NPHP4: variants seen among roughly 807,000 people sequenced by gnomAD.
NPHP4 encodes the protein nephrocystin 4, also known as nephrocystin-4.
NPHP4 carries 151 observed loss-of-function variants against 155.8 expected under a neutral mutation model. That is an observed-to-expected ratio of 0.97 (90% CI 0.85 to 1.11). NPHP4 has a LOEUF of 1.11. NPHP4 is among the 50% of genes least tolerant of loss of function. NPHP4 has a pLI of 0.00. For synonymous variants in NPHP4, 845 were observed against 816.8 expected (o/e 1.03, Z -0.59); for missense variants, 1,956 against 1,925.7 (o/e 1.02, Z -0.29).
At chr1:5,964,205 C>T (rs1209884388) in intron 5 of NPHP4, among the ~76,000 whole-genome samples, 2 of 152,180 alleles carry the variant, frequency 1.3e-5, no homozygotes. Flanking sequence ...ACTGGACAAG[C>T]GCATTAGCTT....
At chr1:5,866,774 T>C (rs1242448296) in intron 25 of NPHP4, among the ~76,000 whole-genome samples, 1 of 152,240 alleles carries the variant, frequency 6.6e-6, no homozygotes, top group African/African-American at 2.4e-5. Context: ...TACCATCCAC[T>C]TTATTAACTT....
At chr1:5,916,276 A>G (rs1384529938) in intron 11 of NPHP4, among the ~76,000 whole-genome samples, 1 of 152,218 alleles carries the variant, frequency 6.6e-6, no homozygotes, top group Non-Finnish European at 1.5e-5. Context: ...ACCGAGAGCC[A>G]AAGTACCTCA....
intron 19 of NPHP4, 86 bp downstream of exon 19, chr1:5,880,028 C>T: frequency 2.1e-6 from 3 of 1,442,562 alleles, no homozygotes; most frequent in South Asian, 2.4e-5. Flanking sequence ...TGCACACACG[C>T]ATGCACACAC....
chr1:5,931,599 T>C (rs374146164), intron 10 of NPHP4, among the ~76,000 whole-genome samples: 37 of 151,710 alleles, frequency 2.4e-4, no homozygotes, highest in African/African-American at 8.2e-4. Flanking sequence ...CCAGGCATGG[T>C]GGTGGGCACC....
chr1:5,947,323 C>T (rs187829422), intron 8 of NPHP4, 93 bp from the exon 9 acceptor site: 70 of 1,406,496 alleles, frequency 5.0e-5, no homozygotes, highest in Non-Finnish European at 6.6e-5. Flanking sequence ...GTCAAGGGGA[C>T]ACCCTGGGGG....
At chr1:5,991,940 G>C in intron 1 of NPHP4, among the ~76,000 whole-genome samples, 1 of 147,310 alleles carries the variant, frequency 6.8e-6, no homozygotes, top group East Asian at 2.0e-4. Flanking sequence ...AGGGGGCAGG[G>C]GGCAGGGGGC....
intron 6 of NPHP4, among the ~76,000 whole-genome samples, chr1:5,953,637 G>A (rs1372601620): frequency 6.6e-6 from 1 of 152,232 alleles, no homozygotes; most frequent in Non-Finnish European, 1.5e-5. Flanking sequence ...ACGGCACCAC[G>A]AGAAAAGGGT....
At chr1:5,941,988 C>T (rs1257255657) in intron 9 of NPHP4, among the ~76,000 whole-genome samples, 2 of 152,202 alleles carry the variant, frequency 1.3e-5, no homozygotes, top group Non-Finnish European at 2.9e-5. Context: ...CAGATACCCA[C>T]GTGGTCTCAG....
rs576062859 is a variant in NPHP4 at position 5,943,731 on chromosome 1, T to C, written c.1119+3373A>G. 5.9e-5 allele frequency among the ~76,000 whole-genome samples: 9 copies of C among 152,276 alleles called. No individual in the cohort carries two copies. The East Asian group carries it at 1.7e-3, about 29-fold the overall frequency. On this transcript the variant is annotated intron_variant, in intron 9 of 29. Transcript: ENST00000378156. ...TTTGTCCGTTTCTTATTAAGTAAAA[T>C]ACTTAAAAAATGTACACCCAGGCTG...
Position 5,978,291 on chromosome 1 carries a change from C to A in NPHP4, c.258G>T (p.Pro86=). Residue 86 remains proline (P), a synonymous_variant, in exon 3 of 30, where the codon CCG becomes CCT. Transcript: ENST00000378156. ...CCACCTCATTAAAGACGATCCTGGA[C>A]GGCGGTCTCTTCGTCGGCTTCACTG... ...KTTVKPTKRP[P]SRIVFNEPLY... The A allele has an allele frequency of 1.2e-6, 2 of 1,608,008 alleles. No individual in the cohort carries two copies. The highest frequency in any genetic ancestry group is 1.7e-6 in the Non-Finnish European group (2 of 1,177,546).
intron 11 of NPHP4, among the ~76,000 whole-genome samples, chr1:5,912,469 C>T (rs1023008190): frequency 1.1e-4 from 16 of 146,004 alleles, no homozygotes; most frequent in Admixed American, 9.3e-4. Context: ...ACCCGGGAGG[C>T]GGAGCTTTCG....
chr1:5,960,501 C>T (rs1027978835), intron 6 of NPHP4, among the ~76,000 whole-genome samples: 1 of 152,122 alleles, frequency 6.6e-6, no homozygotes, highest in Non-Finnish European at 1.5e-5. Context: ...ATGAGCCAAA[C>T]TCTCAGCACA....
intron 17 of NPHP4, chr1:5,888,444 G>T (rs1643932570): frequency 8.9e-7 from 1 of 1,129,710 alleles, no homozygotes; most frequent in Non-Finnish European, 1.1e-6. Context: ...CTGTCTCTGG[G>T]AGTGAGACGC....
intron 5 of NPHP4, among the ~76,000 whole-genome samples, chr1:5,966,964 T>C (rs1470222117): frequency 1.3e-5 from 2 of 152,232 alleles, no homozygotes; most frequent in African/African-American, 4.8e-5. Flanking sequence ...CCGACGGCTG[T>C]GCGGTCAGAG....
At chr1:5,917,115 T>C (rs1305934240) in intron 11 of NPHP4, among the ~76,000 whole-genome samples, 1 of 152,170 alleles carries the variant, frequency 6.6e-6, no homozygotes, top group Non-Finnish European at 1.5e-5. Flanking sequence ...CCGTACTCTC[T>C]TCTGGTGGTT....
At chr1:5,946,096 T>C (rs1647081824) in intron 9 of NPHP4, among the ~76,000 whole-genome samples, 1 of 152,226 alleles carries the variant, frequency 6.6e-6, no homozygotes, top group Non-Finnish European at 1.5e-5. Flanking sequence ...GTCATAGGTA[T>C]GTATATGCAG....
intron 3 of NPHP4, among the ~76,000 whole-genome samples, chr1:5,972,223 C>T (rs12091974): frequency 2.6e-5 from 4 of 152,166 alleles, no homozygotes; most frequent in Admixed American, 6.5e-5. Context: ...TTTTAATAAG[C>T]CTTTAACAGG....
intron 11 of NPHP4, among the ~76,000 whole-genome samples, chr1:5,909,689 G>T (rs556582881): frequency 1.2e-4 from 18 of 152,140 alleles, no homozygotes; most frequent in Non-Finnish European, 2.1e-4. Context: ...CAAGCTGTCC[G>T]CCAGGTCCTG....
At chr1:5,934,004 T>C (rs1646407056) in intron 9 of NPHP4, among the ~76,000 whole-genome samples, 1 of 152,220 alleles carries the variant, frequency 6.6e-6, no homozygotes, top group African/African-American at 2.4e-5. Flanking sequence ...ATTAAAGTCA[T>C]TGTCACAAAC....
Sources: gnomAD v4.1 joint callset for allele counts (sites outside exome capture counted in the v4.1 genomes callset) on GRCh38, gnomAD v4.1.1 for gene constraint, MANE v1.5 for transcripts, NCBI Gene and HGNC (gene_info 2026-07-23, HGNC 2026-07-21) for gene names.